RASGRF2: variants seen among roughly 807,000 people sequenced by gnomAD.
RASGRF2 encodes the protein ras-specific guanine nucleotide-releasing factor 2.
Under a neutral mutation model 151.0 loss-of-function variants are expected in RASGRF2, and 76 were observed. That is an observed-to-expected ratio of 0.50 (90% CI 0.42 to 0.61). RASGRF2 has a LOEUF of 0.61. Ranked by LOEUF, RASGRF2 falls within the 20% of genes least tolerant of loss-of-function variation. RASGRF2 has a pLI of 0.00. For synonymous variants in RASGRF2, 504 were observed against 566.5 expected (o/e 0.89, Z 1.57); for missense variants, 1,148 against 1,564.6 (o/e 0.73, Z 4.49).
At chr5:81,181,600 A>G (rs186764990) in intron 18 of RASGRF2, among the ~76,000 whole-genome samples, 1 of 152,286 alleles carries the variant, frequency 6.6e-6, no homozygotes, top group African/African-American at 2.4e-5. Context: ...AATGAGTTTT[A>G]GCATTTACAG....
chr5:81,151,998 T>C (rs1397323466), intron 17 of RASGRF2, among the ~76,000 whole-genome samples: 1 of 151,654 alleles, frequency 6.6e-6, no homozygotes, highest in Non-Finnish European at 1.5e-5. Flanking sequence ...GGAAGAGAGA[T>C]TTTTTGTTTG....
At chr5:80,977,672 G>A (rs1748168890) in intron 1 of RASGRF2, among the ~76,000 whole-genome samples, 1 of 152,144 alleles carries the variant, frequency 6.6e-6, no homozygotes, top group South Asian at 2.1e-4. Context: ...GGTGAGGCTG[G>A]TCTCGAACTA....
intron 17 of RASGRF2, among the ~76,000 whole-genome samples, chr5:81,177,552 A>G (rs1372246041): frequency 1.3e-5 from 2 of 151,466 alleles, no homozygotes; most frequent in African/African-American, 2.4e-5. Flanking sequence ...CTGCAAATGT[A>G]TATTGTATAC....
chr5:81,130,802 T>C (rs1753597674), intron 17 of RASGRF2, among the ~76,000 whole-genome samples: 1 of 152,102 alleles, frequency 6.6e-6, no homozygotes, highest in Admixed American at 6.6e-5. Flanking sequence ...CATGCTTTCA[T>C]CAGTGTCTGC....
intron 1 of RASGRF2, among the ~76,000 whole-genome samples, chr5:80,999,807 G>A (rs1303914926): frequency 6.6e-6 from 1 of 152,194 alleles, no homozygotes; most frequent in Non-Finnish European, 1.5e-5. Context: ...GTTTGAGCCT[G>A]CTGATAAACT....
chr5:81,034,205 C>T (rs1286482411), intron 1 of RASGRF2, among the ~76,000 whole-genome samples: 3 of 151,862 alleles, frequency 2.0e-5, no homozygotes, highest in East Asian at 1.9e-4. Flanking sequence ...AAAATGCTCA[C>T]CATCACTGGC....
chr5:81,197,449 C>T (rs1359822925), intron 18 of RASGRF2, among the ~76,000 whole-genome samples: 4 of 104,080 alleles, frequency 3.8e-5, no homozygotes, highest in Non-Finnish European at 6.8e-5. Flanking sequence ...GGCGACAGAG[C>T]GAGACTCCGT....
At position 81,201,598 on chromosome 5, in the gene RASGRF2, A is replaced by G. The variant is rs566932204; in HGVS notation, c.2906+156A>G. ...TATTATCTTCTCTTTCCTGGGGGCA[A>G]TTTGGGGTCTGCTGTCTCAGGAAGA... On this transcript the variant is annotated intron_variant, in intron 19 of 26. Coordinates refer to ENST00000265080, the MANE Select transcript of RASGRF2 (RefSeq NM_006909.3). Among the ~76,000 whole-genome samples the G allele has an allele frequency of 3.9e-5, 6 of 152,274 alleles. No individual in the cohort carries two copies. The East Asian group carries it at 1.2e-3, about 29-fold the overall frequency.
chr5:81,026,856 A>G (rs917597515), intron 1 of RASGRF2, among the ~76,000 whole-genome samples: 3 of 152,242 alleles, frequency 2.0e-5, no homozygotes, highest in African/African-American at 7.2e-5. Flanking sequence ...CAGGAGCCCA[A>G]TAAACAATTA....
intron 13 of RASGRF2, among the ~76,000 whole-genome samples, chr5:81,110,402 A>G (rs181008637): frequency 3.9e-4 from 59 of 152,354 alleles, no homozygotes; most frequent in Middle Eastern, 3.4e-3. Flanking sequence ...AAGAAAGCTA[A>G]ATAATTTCAT....
rs948637530 is a variant in RASGRF2 at position 81,123,668 on chromosome 5, C to T, written c.2497C>T (p.Arg833Ter). ...AGTCCTAGAGTCTGCACCAGCGGAC[C>T]GAGCAGGAGTGGAAAGCTCCCCTGC... is the stretch of plus-strand genomic sequence containing the variant. ...KAVLESAPAD[R>*]AGVESSPAAD... The change falls in exon 16 of 27, where the codon CGA becomes TGA. Residue 833 changes from arginine (R) to a stop codon, truncating the protein, a stop_gained. Transcript: ENST00000265080. LOFTEE classifies it high-confidence loss of function. 6 of 1,613,852 alleles carry T rather than the reference C, an allele frequency of 3.7e-6. No individual in the cohort carries two copies. The highest frequency in any genetic ancestry group is 2.2e-5 in the East Asian group (1 of 44,874).
At chr5:81,035,632 A>C (rs1007522821) in intron 1 of RASGRF2, among the ~76,000 whole-genome samples, 2 of 152,166 alleles carry the variant, frequency 1.3e-5, no homozygotes, top group Admixed American at 6.6e-5. Context: ...TTAAAAAAAA[A>C]ACAACTTAAT....
intron 19 of RASGRF2, among the ~76,000 whole-genome samples, chr5:81,205,519 G>T (rs922831709): frequency 4.6e-5 from 7 of 152,180 alleles, no homozygotes; most frequent in Admixed American, 3.9e-4. Context: ...GGCATAGAGC[G>T]GGCATACAGG....
Position 81,112,840 on chromosome 5 carries a change from T to C in RASGRF2, c.2069T>C (p.Phe690Ser), listed in dbSNP as rs768106890. 5 of 1,614,222 alleles carry C rather than the reference T, an allele frequency of 3.1e-6. No individual in the cohort carries two copies. Among genetic ancestry groups the C allele is most frequent in the Non-Finnish European group, 4.2e-6 (5 of 1,180,034 alleles). Residue 690 changes from phenylalanine (F) to serine (S), a missense_variant, in exon 14 of 27, where the codon TTC (phenylalanine) becomes TCC (serine). Phe to Ser is a radical substitution (Grantham distance 155). Around this residue, in one of 5 missense-constraint regions of RASGRF2, gnomAD observed 646 missense variants for 807.4 expected, o/e 0.80. Coordinates refer to ENST00000265080, the MANE Select transcript of RASGRF2 (RefSeq NM_006909.3). ...CTCTCCGACATATACAAGAGGCCTT[T>C]CACCTCCATCCCTGTCAGGTACACC... ...GKLSDIYKRP[F>S]TSIPVRSLEL...
intron 19 of RASGRF2, among the ~76,000 whole-genome samples, chr5:81,201,821 G>A (rs533707304): frequency 2.7e-4 from 41 of 152,338 alleles, no homozygotes; most frequent in African/African-American, 9.9e-4. Flanking sequence ...GTTTGTGAGT[G>A]TGGTTGTGTC....
chr5:81,060,464 T>A (rs562924711), intron 2 of RASGRF2, among the ~76,000 whole-genome samples: 1 of 151,070 alleles, frequency 6.6e-6, no homozygotes, highest in South Asian at 2.1e-4. Flanking sequence ...CCCTACTTCC[T>A]GTTCTCCTCT....
intron 15 of RASGRF2, among the ~76,000 whole-genome samples, chr5:81,122,913 C>G (rs1432310322): frequency 6.6e-6 from 1 of 152,056 alleles, no homozygotes; most frequent in African/African-American, 2.4e-5. Flanking sequence ...TTAAACCCTC[C>G]CAATGGTTCA....
At chr5:80,980,408 G>A (rs1433285868) in intron 1 of RASGRF2, among the ~76,000 whole-genome samples, 1 of 152,198 alleles carries the variant, frequency 6.6e-6, no homozygotes, top group Non-Finnish European at 1.5e-5. Context: ...GGGAGGCTGA[G>A]GTGGGTGGAT....
Position 81,134,758 on chromosome 5 carries a change from A to G in RASGRF2, c.2686+7595A>G, listed in dbSNP as rs1483405944. Among the ~76,000 whole-genome samples the G allele has an allele frequency of 3.3e-5, 5 of 152,204 alleles. No individual in the cohort carries two copies. In the East Asian group the frequency reaches 9.6e-4, roughly 29 times the overall value. ...AAATTTGAATCTCTTCCTAAGCACT[A>G]AGTACAACTCAACCTTTATCTTTTG... On this transcript the variant is annotated intron_variant, in intron 17 of 26. Coordinates refer to ENST00000265080, the MANE Select transcript of RASGRF2 (RefSeq NM_006909.3).
Sources: allele counts gnomAD v4.1 joint callset (sites outside exome capture counted in the v4.1 genomes callset), GRCh38; gene constraint gnomAD v4.1.1; regional missense constraint gnomAD v4.1.1; transcripts MANE v1.5; gene names NCBI Gene and HGNC (gene_info 2026-07-23, HGNC 2026-07-21).